ZC3H11A: variants seen among roughly 807,000 people sequenced by gnomAD.
The protein encoded by ZC3H11A is zinc finger CCCH domain-containing protein 11A.
A neutral mutation model predicts 90.8 loss-of-function variants in ZC3H11A; 22 were observed. That is an observed-to-expected ratio of 0.24 (90% CI 0.17 to 0.35). ZC3H11A has a LOEUF of 0.35. Ranked by LOEUF, ZC3H11A falls within the 10% of genes least tolerant of loss-of-function variation. ZC3H11A has a pLI of 1.00. For missense variants in ZC3H11A, 701 were observed against 964.9 expected, an observed-to-expected ratio of 0.73 and a Z score of 3.62; for synonymous variants, 294 against 339.8, an observed-to-expected ratio of 0.87 and a Z score of 1.48.
intron 7 of ZC3H11A, 36 bp from the exon 8 acceptor site, chr1:203,830,087 T>C: frequency 6.6e-7 from 1 of 1,517,152 alleles, no homozygotes; most frequent in Non-Finnish European, 9.1e-7. Flanking sequence ...ATGAAAAGGC[T>C]CCCGTTCCTC....
chr1:203,817,428 A>G (rs989087786), intron 3 of ZC3H11A, among the ~76,000 whole-genome samples: 2 of 149,824 alleles, frequency 1.3e-5, no homozygotes, highest in Non-Finnish European at 3.0e-5. Flanking sequence ...ACTTTGACCT[A>G]TGCCTTACTA....
At chr1:203,821,698 G>T (rs1481678564) in intron 4 of ZC3H11A, among the ~76,000 whole-genome samples, 1 of 152,140 alleles carries the variant, frequency 6.6e-6, no homozygotes, top group Non-Finnish European at 1.5e-5. Flanking sequence ...TCAGTGGACA[G>T]AGCTGAGGAA....
chr1:203,838,326 C>T (rs1027906797), intron 11 of ZC3H11A, among the ~76,000 whole-genome samples: 1 of 152,078 alleles, frequency 6.6e-6, no homozygotes, highest in Non-Finnish European at 1.5e-5. Context: ...AATTTTGTAA[C>T]AGAGAAAAGT....
In ZC3H11A at chr1:203,847,161, A is replaced by G. The variant is rs747607711; in HGVS notation, c.1043-23A>G. Reference sequence around the variant, plus strand: ...AGAGATGAACTTCAAGTATAATGACATGTTTTTCTCCTGTGAAAACAGATA... The same window carrying G: ...AGAGATGAACTTCAAGTATAATGACGTGTTTTTCTCCTGTGAAAACAGATA... On this transcript the variant is annotated intron_variant, in intron 12 of 17. Transcript: ENST00000367210. 1.1e-5 allele frequency: 17 copies of G among 1,610,060 alleles called. No homozygotes were observed. In the East Asian group the frequency reaches 3.8e-4, roughly 36 times the overall value.
chr1:203,821,135 A>G (rs893631735), intron 4 of ZC3H11A, among the ~76,000 whole-genome samples: 3 of 152,140 alleles, frequency 2.0e-5, no homozygotes, highest in African/African-American at 7.2e-5. Context: ...CGCTATTCTC[A>G]TGATAGTGAG....
rs761745558 is a variant in ZC3H11A, at chr1:203,847,272, A to C, written c.1131A>C (p.Gln377His). The C allele has an allele frequency of 6.2e-7, 1 of 1,613,842 alleles. No homozygotes were observed. The highest frequency in any genetic ancestry group is 1.3e-5 in the African/African-American group (1 of 74,906). The change falls in exon 13 of 18, where the codon CAA becomes CAC. Residue 377 changes from glutamine to histidine, a missense_variant. Coordinates refer to ENST00000367210, the MANE Select transcript of ZC3H11A (RefSeq NM_001376342.1). ...ERASQKRGELQTKLKTEGPSK... is the reference protein window; with the variant it reads ...ERASQKRGELHTKLKTEGPSK... ...CCAGTCAGAAACGTGGAGAATTGCA[A>C]ACTAAACTCAAGACAGAAGGACCTT...
At chr1:203,804,865 G>A (rs532883285) in intron 2 of ZC3H11A, among the ~76,000 whole-genome samples, 217 of 151,660 alleles carry the variant, frequency 1.4e-3, no homozygotes, top group African/African-American at 5.0e-3. Flanking sequence ...TAGAGATGGG[G>A]TTTCATCATA....
rs868376615 is a variant in ZC3H11A, at chr1:203,797,430, A to T, written c.-1588+1636A>T. On this transcript the variant is annotated intron_variant, in intron 1 of 17. Transcript: ENST00000367210. ...TTGATTCCCCATAGAAACTGGAGAAAAGGTAATGCAAGTAGAGAGGAACAG... is the reference window on the plus strand; with the variant it reads ...TTGATTCCCCATAGAAACTGGAGAATAGGTAATGCAAGTAGAGAGGAACAG... 6 of 1,213,750 alleles carry T rather than the reference A, an allele frequency of 4.9e-6. No individual in the cohort carries two copies. The Middle Eastern group carries it at 1.4e-3, about 282-fold the overall frequency. The allele number at this position is 1,213,750 out of a possible 1,614,324, so 75.2% of individuals were successfully genotyped here.
chr1:203,833,618 G>GTTTTTTTTTTTTTTTTTTTTTTTTTT (rs553171669), intron 9 of ZC3H11A, among the ~76,000 whole-genome samples, 173 bp from the exon 10 acceptor site: 4 of 124,832 alleles, frequency 3.2e-5, no homozygotes, highest in Non-Finnish European at 6.6e-5. Flanking sequence ...ATAGGTTTGG[G>GTTTTTTTTTTTTTTTTTTTTTTTTTT]TTTTTTTTTT....
intron 2 of ZC3H11A, among the ~76,000 whole-genome samples, chr1:203,804,969 G>A (rs926317195): frequency 6.6e-6 from 1 of 151,400 alleles, no homozygotes; most frequent in Non-Finnish European, 1.5e-5. Flanking sequence ...TATTGTGCCC[G>A]GCCTGTCTCG....
At chr1:203,814,017 T>C (rs1675404855) in intron 2 of ZC3H11A, among the ~76,000 whole-genome samples, 1 of 152,014 alleles carries the variant, frequency 6.6e-6, no homozygotes, top group Admixed American at 6.6e-5. Flanking sequence ...TTCTAAATTT[T>C]CAAGTTCAGA....
chr1:203,819,226 A>AT (rs967842944), intron 4 of ZC3H11A, among the ~76,000 whole-genome samples: 1,238 of 123,794 alleles, frequency 0.01, 9 homozygotes, highest in African/African-American at 0.012. Flanking sequence ...CTTTCTTTTT[A>AT]TTTTTTTTTT....
At chr1:203,832,121 T>C (rs59867004) in intron 9 of ZC3H11A, among the ~76,000 whole-genome samples, 39,127 of 152,112 alleles carry the variant, frequency 0.26, 5,315 homozygotes, top group East Asian at 0.34. Flanking sequence ...TGCAATGGCA[T>C]GATCTCAGCT....
chr1:203,843,749 T>C (rs754077954), intron 12 of ZC3H11A, among the ~76,000 whole-genome samples: 1 of 152,226 alleles, frequency 6.6e-6, no homozygotes, highest in Non-Finnish European at 1.5e-5. Context: ...GGGCCAGCCT[T>C]ATCTTTATTA....
At chr1:203,835,848 C>CT in intron 10 of ZC3H11A, 4 of 241,716 alleles carry the variant, frequency 1.7e-5, no homozygotes, top group South Asian at 6.3e-5. Context: ...TATGTGCTCC[C>CT]TTTTTTTCCG....
intron 13 of ZC3H11A, among the ~76,000 whole-genome samples, chr1:203,847,975 C>T (rs573470562): frequency 2.0e-5 from 3 of 152,272 alleles, no homozygotes; most frequent in Non-Finnish European, 1.5e-5. Context: ...CCTGCCTCAG[C>T]CTCCCAAGTA....
intron 1 of ZC3H11A, chr1:203,797,416 T>C (rs1668912217): frequency 8.8e-7 from 1 of 1,134,262 alleles, no homozygotes; most frequent in Non-Finnish European, 1.2e-6. Context: ...TGATTCCCCA[T>C]AGAAACTGGA....
chr1:203,833,777 T>C lies in ZC3H11A; in HGVS notation c.812-14T>C, dbSNP rs1370475420. On this transcript the variant is annotated splice_polypyrimidine_tract_variant and intron_variant, in intron 9 of 17. Transcript: ENST00000367210. ...TTGACTAAGGATAGAGAAATTCTGCTTTTGCCATTTCAGGAGAAGAACCCT... is the reference window on the plus strand; with the variant it reads ...TTGACTAAGGATAGAGAAATTCTGCCTTTGCCATTTCAGGAGAAGAACCCT... 21 of 1,604,206 alleles carry C rather than the reference T, an allele frequency of 1.3e-5. No homozygotes were observed. Among genetic ancestry groups the C allele is most frequent in the Non-Finnish European group, 1.6e-5 (19 of 1,176,484 alleles).
chr1:203,812,179 A>G (rs893207155), intron 2 of ZC3H11A, among the ~76,000 whole-genome samples: 1 of 152,070 alleles, frequency 6.6e-6, no homozygotes. Flanking sequence ...ACACAGGTAA[A>G]TGTGTGTCGT....
Sources: allele counts gnomAD v4.1 joint callset (sites outside exome capture counted in the v4.1 genomes callset), GRCh38; gene constraint gnomAD v4.1.1; transcripts MANE v1.5; gene names NCBI Gene and HGNC (gene_info 2026-07-23, HGNC 2026-07-21).